APBA2: variants seen among roughly 807,000 people sequenced by gnomAD.
The protein encoded by APBA2 is amyloid-beta A4 precursor protein-binding family A member 2.
In APBA2, 30 loss-of-function variants were observed where a neutral mutation model predicts 75.0. That is an observed-to-expected ratio of 0.40 (90% CI 0.30 to 0.54). The LOEUF (loss-of-function observed/expected upper bound fraction) is 0.54. Among genes scored for constraint, APBA2 ranks in the 20% least tolerant of loss-of-function variants. The probability of loss-of-function intolerance (pLI) is 0.49; values close to 1 mark genes in which losing one functional copy is unlikely to be tolerated. For synonymous variants in APBA2, 444 were observed against 409.6 expected, an observed-to-expected ratio of 1.08 and a Z score of -1.01; for missense variants, 801 against 1,016.1, an observed-to-expected ratio of 0.79 and a Z score of 2.88.
chr15:29,101,885 C>G, intron 10 of APBA2, 101 bp downstream of exon 10: 1 of 1,208,532 alleles, frequency 8.3e-7, no homozygotes, highest in Non-Finnish European at 1.2e-6. Flanking sequence ...TGGAAAGCCT[C>G]CATGCTGTTA....
chr15:29,048,039 A>G (rs1405419713), intron 3 of APBA2, among the ~76,000 whole-genome samples: 2 of 152,344 alleles, frequency 1.3e-5, no homozygotes, highest in East Asian at 3.9e-4. Flanking sequence ...AAAAAGACTC[A>G]GTATTGTAAG....
At chr15:29,002,193 T>C (rs2038883829) in intron 3 of APBA2, among the ~76,000 whole-genome samples, 3 of 152,230 alleles carry the variant, frequency 2.0e-5, no homozygotes, top group Admixed American at 1.3e-4. Flanking sequence ...TGTGTGCTGC[T>C]AGGCACATAC....
At chr15:28,944,647 G>A (rs115195464) in intron 2 of APBA2, among the ~76,000 whole-genome samples, 2,278 of 152,310 alleles carry the variant, frequency 0.015, 65 homozygotes, top group African/African-American at 0.052. Flanking sequence ...TCGGCGTGCC[G>A]AAGGAACCAA....
At chr15:28,912,393 A>T (rs1369870839) in intron 1 of APBA2, among the ~76,000 whole-genome samples, 3 of 152,256 alleles carry the variant, frequency 2.0e-5, no homozygotes, top group Non-Finnish European at 4.4e-5. Flanking sequence ...ACTGAGGAGG[A>T]GTTTTAGAAT....
At chr15:28,996,329 T>G (rs1566886950) in intron 3 of APBA2, among the ~76,000 whole-genome samples, 1 of 152,020 alleles carries the variant, frequency 6.6e-6, no homozygotes, top group African/African-American at 2.4e-5. Flanking sequence ...AAATCTAACT[T>G]TGATAAAAAG....
At chr15:29,029,779 C>T (rs1440256617) in intron 3 of APBA2, among the ~76,000 whole-genome samples, 3 of 152,124 alleles carry the variant, frequency 2.0e-5, no homozygotes, top group Admixed American at 2.0e-4. Flanking sequence ...CTGGTTCAGG[C>T]AGTCCAGCAC....
intron 4 of APBA2, among the ~76,000 whole-genome samples, chr15:29,074,331 C>T (rs2042752851): frequency 6.6e-6 from 1 of 152,166 alleles, no homozygotes; most frequent in African/African-American, 2.4e-5. Context: ...GAAATTCTGC[C>T]ATGTGCTTCA....
At chr15:29,107,773 C>A (rs2044505664) in intron 12 of APBA2, among the ~76,000 whole-genome samples, 1 of 152,220 alleles carries the variant, frequency 6.6e-6, no homozygotes, top group Non-Finnish European at 1.5e-5. Context: ...CACCCGCTGA[C>A]AATTGCGTCC....
chr15:28,942,295 G>C (rs1376180419), intron 2 of APBA2, among the ~76,000 whole-genome samples: 2 of 152,120 alleles, frequency 1.3e-5, no homozygotes, highest in African/African-American at 4.8e-5. Context: ...GCCATTTCCC[G>C]TGTAATCCTG....
Position 29,053,955 on chromosome 15 carries a change from C to T in APBA2, c.71C>T (p.Pro24Leu). The change falls in exon 4 of 15, where the codon CCT becomes CTT. Residue 24 changes from proline (P) to leucine (L), a missense_variant. Coordinates refer to ENST00000683413, the MANE Select transcript of APBA2 (RefSeq NM_001353788.2). ...LDHRVRPGPV[P>L]HSQEPESEDM... ...CATAGGGTGAGACCAGGTCCTGTCC[C>T]TCACAGCCAGGAGCCCGAGAGCGAG... 6.2e-7 allele frequency: 1 copy of T among 1,614,102 alleles called. No individual in the cohort carries two copies. Among genetic ancestry groups the T allele is most frequent in the African/African-American group, 1.3e-5 (1 of 75,040 alleles).
At position 29,007,904 on chromosome 15, in the gene APBA2, G is replaced by A. The variant is rs191972914; in HGVS notation, c.-41+12098G>A. On this transcript the variant is annotated intron_variant, in intron 3 of 14. Coordinates refer to ENST00000683413, the MANE Select transcript of APBA2 (RefSeq NM_001353788.2). ...ATATGCCCAAGGGAAGTAAAAGCAGGGGCTCAAGGAAATATCTGTACATTC... is the reference window on the plus strand; with the variant it reads ...ATATGCCCAAGGGAAGTAAAAGCAGAGGCTCAAGGAAATATCTGTACATTC... 9.8e-4 allele frequency among the ~76,000 whole-genome samples: 150 copies of A among 152,304 alleles called. 3 individuals carry two copies. In the East Asian group the frequency reaches 0.026, roughly 26 times the overall value.
At chr15:28,988,004 G>A (rs940164591) in intron 2 of APBA2, among the ~76,000 whole-genome samples, 1 of 151,274 alleles carries the variant, frequency 6.6e-6, no homozygotes, top group East Asian at 2.0e-4. Context: ...TGGTCTGCCC[G>A]CCTCAGCCTC....
chr15:29,063,896 G>A (rs781225237), intron 4 of APBA2, among the ~76,000 whole-genome samples: 18 of 152,042 alleles, frequency 1.2e-4, no homozygotes, highest in Non-Finnish European at 2.2e-4. Flanking sequence ...GATAGGATGA[G>A]AGGAGGACCA....
chr15:29,076,026 G>A, intron 5 of APBA2, 29 bp from the exon 6 acceptor site: 1 of 1,610,098 alleles, frequency 6.2e-7, no homozygotes, highest in Non-Finnish European at 8.5e-7. Flanking sequence ...CAATTGTTAT[G>A]TGTTTTATTT....
chr15:29,118,141 C>T lies in APBA2; in HGVS notation c.*1008C>T, dbSNP rs757118983. 4.6e-5 allele frequency: 7 copies of T among 152,670 alleles called. No individual in the cohort carries two copies. The highest frequency in any genetic ancestry group is 1.3e-4 in the Admixed American group (2 of 15,282). The allele number at this position is 152,670 out of a possible 1,614,324, so 9.5% of individuals were successfully genotyped here. A position where few individuals can be genotyped will look rare whatever the true frequency, so the allele number is the denominator to read the frequency against. ...CATGTAATCTGACGTCATCTTGTCT[C>T]GAAGTCTCTTTTTTTGGCCCAGGCC... On this transcript the variant is annotated 3_prime_UTR_variant, in exon 15 of 15. Transcript: ENST00000683413.
intron 3 of APBA2, among the ~76,000 whole-genome samples, chr15:29,014,069 C>G (rs2039536590): frequency 6.6e-6 from 1 of 152,216 alleles, no homozygotes; most frequent in African/African-American, 2.4e-5. Context: ...GAAGAGCTGC[C>G]TTGTGCTTTA....
At chr15:28,899,920 A>G (rs1386313107) in intron 1 of APBA2, among the ~76,000 whole-genome samples, 1 of 152,206 alleles carries the variant, frequency 6.6e-6, no homozygotes, top group Non-Finnish European at 1.5e-5. Flanking sequence ...TCTTTCCCCC[A>G]AGATGCTTTG....
chr15:28,936,444 G>A (rs1260089291), intron 2 of APBA2, among the ~76,000 whole-genome samples: 2 of 152,228 alleles, frequency 1.3e-5, no homozygotes, highest in Non-Finnish European at 2.9e-5. Context: ...TGGACCTGGC[G>A]AATGGCTGTT....
intron 2 of APBA2, among the ~76,000 whole-genome samples, chr15:28,938,361 G>C (rs2034996707): frequency 6.6e-6 from 1 of 152,182 alleles, no homozygotes; most frequent in African/African-American, 2.4e-5. Context: ...ATTACAAACG[G>C]AAGTGTGTCT....
Sources: allele counts gnomAD v4.1 joint callset (sites outside exome capture counted in the v4.1 genomes callset), GRCh38; gene constraint gnomAD v4.1.1; transcripts MANE v1.5; gene names NCBI Gene and HGNC (gene_info 2026-07-23, HGNC 2026-07-21).